CEP112: variants seen among roughly 807,000 people sequenced by gnomAD.
The protein encoded by CEP112 is centrosomal protein of 112 kDa.
Under a neutral mutation model 153.0 loss-of-function variants are expected in CEP112, and 127 were observed. The ratio of observed to expected loss-of-function variants is 0.83; its 90% confidence interval spans 0.72 to 0.96. The LOEUF is 0.96. Among genes scored for constraint, CEP112 ranks in the 40% least tolerant of loss-of-function variants. CEP112 has a pLI of 0.00. For missense variants in CEP112, 1,089 were observed against 1,101.2 expected (o/e 0.99, Z 0.16); for synonymous variants, 358 against 374.4 (o/e 0.96, Z 0.51).
At chr17:65,949,287 G>A (rs989095863) in intron 18 of CEP112, among the ~76,000 whole-genome samples, 3 of 152,146 alleles carry the variant, frequency 2.0e-5, no homozygotes, top group Admixed American at 1.3e-4. Flanking sequence ...TCACACCAAA[G>A]GTGCTTTCTT....
At chr17:65,775,852 T>C (rs17695154) in intron 21 of CEP112, among the ~76,000 whole-genome samples, 41,425 of 152,198 alleles carry the variant, frequency 0.27, 7,189 homozygotes, top group Middle Eastern at 0.41. Context: ...TTGAGACTTT[T>C]AAAATGTTCC....
intron 6 of CEP112, among the ~76,000 whole-genome samples, chr17:66,115,000 T>A (rs1004982774): frequency 6.6e-6 from 1 of 151,472 alleles, no homozygotes; most frequent in East Asian, 2.0e-4. Context: ...AGGTCAGGAG[T>A]TTGAGACCAG....
chr17:65,891,421 A>T (rs555591148), intron 20 of CEP112, among the ~76,000 whole-genome samples: 1 of 152,034 alleles, frequency 6.6e-6, no homozygotes, highest in East Asian at 1.9e-4. Flanking sequence ...GCAACAAAAG[A>T]CCTCTTGCTT....
chr17:65,914,862 G>A (rs1041442205), intron 19 of CEP112, among the ~76,000 whole-genome samples: 1 of 151,934 alleles, frequency 6.6e-6, no homozygotes. Context: ...TGCTCACAAC[G>A]CATTGTCTGT....
rs201967736 is a variant in CEP112 at position 65,958,864 on chromosome 17, TC to T, written c.1872+2598del. Among the ~76,000 whole-genome samples, 772 of 152,082 alleles carry T rather than the reference TC, an allele frequency of 5.1e-3. 2 individuals are homozygous for T. The highest frequency in any genetic ancestry group is 0.018 in the African/African-American group (737 of 41,492). On this transcript the variant is annotated intron_variant, in intron 18 of 26. Transcript: ENST00000535342. The stretch of plus-strand genomic sequence containing the variant: ...GAACTCGTGGTGCCTTTTCTGGGCC[TC>T]CCCATGGCCACCCATGGACCAATCA...
chr17:65,639,931 A>C (rs2045017161), intron 25 of CEP112, among the ~76,000 whole-genome samples: 1 of 133,684 alleles, frequency 7.5e-6, no homozygotes. Flanking sequence ...TCCGCGTCCC[A>C]AGTTCAAGTG....
intron 17 of CEP112, among the ~76,000 whole-genome samples, chr17:65,971,098 G>A (rs1344120405): frequency 3.3e-5 from 5 of 152,022 alleles, no homozygotes; most frequent in African/African-American, 1.2e-4. Context: ...TATATTACAT[G>A]GTACATTGCA....
At chr17:66,005,496 C>T (rs534110758) in intron 17 of CEP112, among the ~76,000 whole-genome samples, 194 bp downstream of exon 17, 1 of 129,100 alleles carries the variant, frequency 7.7e-6, no homozygotes, top group East Asian at 4.5e-4. Context: ...AACAGCTGAA[C>T]TGATTTTTCT....
At chr17:65,849,094 T>G (rs1214289400) in intron 21 of CEP112, among the ~76,000 whole-genome samples, 2 of 152,198 alleles carry the variant, frequency 1.3e-5, no homozygotes, top group African/African-American at 4.8e-5. Context: ...CTTTGGAGAC[T>G]TTCGATGATC....
chr17:66,112,707 G>A (rs1178434307), intron 6 of CEP112, among the ~76,000 whole-genome samples: 1 of 152,162 alleles, frequency 6.6e-6, no homozygotes, highest in Non-Finnish European at 1.5e-5. Context: ...ACTTTGGGAG[G>A]CCGAGGCAGG....
At chr17:65,770,168 T>A (rs1267114973) in intron 21 of CEP112, among the ~76,000 whole-genome samples, 1 of 147,432 alleles carries the variant, frequency 6.8e-6, no homozygotes, top group Non-Finnish European at 1.5e-5. Flanking sequence ...AAACAAAAGA[T>A]GAGATAAATA....
At chr17:65,881,174 G>A (rs568121572) in intron 20 of CEP112, among the ~76,000 whole-genome samples, 69 of 152,202 alleles carry the variant, frequency 4.5e-4, no homozygotes, top group Middle Eastern at 6.8e-3. Flanking sequence ...CCGAGATAGC[G>A]CCACTGCACT....
chr17:65,901,691 T>C (rs2059856189), intron 20 of CEP112, among the ~76,000 whole-genome samples: 1 of 152,046 alleles, frequency 6.6e-6, no homozygotes, highest in Non-Finnish European at 1.5e-5. Context: ...CTGAGTGATC[T>C]AATCAAATAT....
intron 17 of CEP112, 118 bp from the exon 18 acceptor site, chr17:65,961,716 C>A: frequency 1.1e-6 from 1 of 900,040 alleles, no homozygotes; most frequent in East Asian, 2.6e-5. Context: ...TGATCCAAAT[C>A]CTACAAAACT....
intron 8 of CEP112, among the ~76,000 whole-genome samples, chr17:66,083,050 C>T (rs748541203): frequency 3.1e-4 from 47 of 152,062 alleles, no homozygotes; most frequent in Non-Finnish European, 3.2e-4. Flanking sequence ...AAATTAAATA[C>T]TTTAATAAAT....
In CEP112 at chr17:66,075,591, C is replaced by T. The variant is rs768728613; in HGVS notation, c.769-5590G>A. Reference sequence around the variant, plus strand: ...CAAGGTAGATTAAACCTAACCATATCGATCAGTAACTATATTAAATTTAAA... The same window carrying T: ...CAAGGTAGATTAAACCTAACCATATTGATCAGTAACTATATTAAATTTAAA... On this transcript the variant is annotated intron_variant, in intron 8 of 26. Transcript: ENST00000535342. 1.6e-4 allele frequency among the ~76,000 whole-genome samples: 25 copies of T among 152,242 alleles called. 1 individual carries two copies. In the South Asian group the frequency reaches 4.8e-3, roughly 29 times the overall value.
intron 18 of CEP112, among the ~76,000 whole-genome samples, chr17:65,956,409 TAC>T (rs55652336): frequency 4.0e-4 from 59 of 146,532 alleles, no homozygotes; most frequent in African/African-American, 6.0e-4. Flanking sequence ...CATACATACA[TAC>T]ACACACACAC....
intron 4 of CEP112, among the ~76,000 whole-genome samples, chr17:66,143,939 G>A (rs1269104993): frequency 6.6e-6 from 1 of 152,148 alleles, no homozygotes; most frequent in Non-Finnish European, 1.5e-5. Context: ...TCTGCTCTTT[G>A]AATGGGAAAG....
intron 12 of CEP112, among the ~76,000 whole-genome samples, chr17:66,047,675 G>A (rs2066270432): frequency 6.6e-6 from 1 of 152,028 alleles, no homozygotes; most frequent in East Asian, 1.9e-4. Flanking sequence ...TAAAATACTT[G>A]CTACATACAT....
Sources: allele counts gnomAD v4.1 joint callset (sites outside exome capture counted in the v4.1 genomes callset), GRCh38; gene constraint gnomAD v4.1.1; transcripts MANE v1.5; gene names NCBI Gene and HGNC (gene_info 2026-07-23, HGNC 2026-07-21).